The following POFUT2 variants were observed in gnomAD, a reference collection of about 807,000 sequenced individuals.
POFUT2 encodes GDP-fucose protein O-fucosyltransferase 2.
POFUT2 carries 30 observed loss-of-function variants against 55.0 expected under a neutral mutation model. The observed-to-expected ratio is 0.55, with a 90% CI of 0.41 to 0.74. The LOEUF is 0.74. Among genes scored for constraint, POFUT2 ranks in the 30% least tolerant of loss-of-function variants. The pLI is 0.00. For synonymous variants in POFUT2, 267 were observed against 231.1 expected, an observed-to-expected ratio of 1.16 and a Z score of -1.41; for missense variants, 524 against 562.6, an observed-to-expected ratio of 0.93 and a Z score of 0.69.
chr21:45,287,452 T>G (rs7279129), intron 1 of POFUT2, among the ~76,000 whole-genome samples: 35,204 of 35,226 alleles, frequency 1, 17,592 homozygotes, highest in Middle Eastern at 1. Context: ...CCTGCCCCTA[T>G]ACCATCACCC....
chr21:45,286,009 G>T, intron 1 of POFUT2, 81 bp from the exon 2 acceptor site: 1 of 1,313,004 alleles, frequency 7.6e-7, no homozygotes, highest in Non-Finnish European at 1.1e-6. Flanking sequence ...AAGTCTCAGC[G>T]CGTGGCCCGA....
At chr21:45,278,921 T>A (rs1401386000) in intron 4 of POFUT2, among the ~76,000 whole-genome samples, 1 of 152,136 alleles carries the variant, frequency 6.6e-6, no homozygotes, top group Non-Finnish European at 1.5e-5. Flanking sequence ...TAATTCCACG[T>A]GGGAAGTGCC....
Position 45,282,975 on chromosome 21 carries a change from A to G in POFUT2, c.527+408T>C, listed in dbSNP as rs908815183. The G allele has an allele frequency of 4.7e-5, 22 of 469,276 alleles. 1 individual carries two copies. The highest frequency in any genetic ancestry group is 1.6e-5 in the South Asian group (1 of 64,374). The allele number at this position is 469,276 out of a possible 1,614,324, so 29.1% of individuals were successfully genotyped here. On this transcript the variant is annotated intron_variant, in intron 3 of 8. Transcript: ENST00000349485. This position sits in a 1 kb window ranked among gnomAD's most constrained non-coding sequence, Gnocchi z 4.6. ...TCCAAATGCATGAAAAGACACAGGG[A>G]AAGAGGCACGGGGTCTCAGCCAGAT...
chr21:45,275,353 CAG>C (rs149316623), intron 6 of POFUT2, among the ~76,000 whole-genome samples: 3,643 of 152,264 alleles, frequency 0.024, 139 homozygotes, highest in African/African-American at 0.083. Context: ...TTGTGGAAAA[CAG>C]TGTGGAGATT....
intron 2 of POFUT2, among the ~76,000 whole-genome samples, chr21:45,283,833 G>A (rs768674456): frequency 6.6e-6 from 1 of 152,080 alleles, no homozygotes; most frequent in Non-Finnish European, 1.5e-5. Flanking sequence ...CGGCCCTCAC[G>A]CCGTGGTCCA....
Position 45,267,135 on chromosome 21 carries a change from G to A in POFUT2, c.1136+455C>T. On this transcript the variant is annotated intron_variant, in intron 8 of 8. Coordinates refer to ENST00000349485, the MANE Select transcript of POFUT2 (RefSeq NM_133635.6). The surrounding 1 kb of genome is among the most constrained non-coding windows in gnomAD (Gnocchi z 4.4). ...CACGAGGGCCCATGCTCCCAGCCTTGGGGACGCTCATGGCAGCCCCACGAG... is the reference window on the plus strand; with the variant it reads ...CACGAGGGCCCATGCTCCCAGCCTTAGGGACGCTCATGGCAGCCCCACGAG... The A allele has an allele frequency of 1.6e-6, 2 of 1,230,570 alleles. No individual in the cohort carries two copies. Among genetic ancestry groups the A allele is most frequent in the Non-Finnish European group, 2.1e-6 (2 of 975,410 alleles). The allele number at this position is 1,230,570 out of a possible 1,614,324, so 76.2% of individuals were successfully genotyped here.
rs569219624 is a variant in POFUT2, at chr21:45,266,521, C to T, written c.1137-886G>A. The T allele has an allele frequency of 6.5e-6, 7 of 1,082,338 alleles. No homozygotes were observed. In the African/African-American group the frequency reaches 1.2e-4, roughly 18 times the overall value. The allele number at this position is 1,082,338 out of a possible 1,614,324, so 67.0% of individuals were successfully genotyped here. On this transcript the variant is annotated intron_variant, in intron 8 of 8. Coordinates refer to ENST00000349485, the MANE Select transcript of POFUT2 (RefSeq NM_133635.6). ...CAGCAGGCTTCCTGGGCTGCGGAGACAGCACCGCCAAGGTCGCAGTCAAAA... is the reference window on the plus strand; with the variant it reads ...CAGCAGGCTTCCTGGGCTGCGGAGATAGCACCGCCAAGGTCGCAGTCAAAA...
At chr21:45,266,335 G>A in intron 8 of POFUT2, 1 of 1,351,106 alleles carries the variant, frequency 7.4e-7, no homozygotes, top group Admixed American at 1.9e-5. Flanking sequence ...GTATGCTGCT[G>A]CGGGGTGCAG....
rs560306914 is a variant in POFUT2 at position 45,278,132 on chromosome 21, C to G, written c.676G>C (p.Asp226His). The stretch of plus-strand genomic sequence containing the variant: ...CAGTATTCTTTCCCTCCATAGTGGT[C>G]GTGAAGTAGGTTCTCGGCTCTGTCT... ...MLDRAENLLH[D>H]HYGGKEYWDT... The change falls in exon 5 of 9, where the codon GAC (aspartate) becomes CAC (histidine). Residue 226 changes from aspartate to histidine, a missense_variant. Asp to His is a moderately conservative substitution (Grantham distance 81). Transcript: ENST00000349485. 1 of 1,613,788 alleles carries G rather than the reference C, an allele frequency of 6.2e-7. No individual in the cohort carries two copies. Among genetic ancestry groups the G allele is most frequent in the African/African-American group, 1.3e-5 (1 of 74,912 alleles).
Position 45,267,153 on chromosome 21 carries a change from C to T in POFUT2, c.1136+437G>A. The T allele has an allele frequency of 7.9e-7, 1 of 1,268,050 alleles. No homozygotes were observed. Among genetic ancestry groups the T allele is most frequent in the Non-Finnish European group, 1.0e-6 (1 of 997,930 alleles). The allele number at this position is 1,268,050 out of a possible 1,614,324, so 78.5% of individuals were successfully genotyped here. A position where few individuals can be genotyped will look rare whatever the true frequency, so the allele number is the denominator to read the frequency against. ...CAGCCTTGGGGACGCTCATGGCAGCCCCACGAGAATGATCACACGAGGGCC... is the reference window on the plus strand; with the variant it reads ...CAGCCTTGGGGACGCTCATGGCAGCTCCACGAGAATGATCACACGAGGGCC... On this transcript the variant is annotated intron_variant, in intron 8 of 8. Transcript: ENST00000349485. The surrounding 1 kb of genome is among the most constrained non-coding windows in gnomAD (Gnocchi z 4.4).
chr21:45,286,261 C>T (rs745689628), intron 1 of POFUT2, among the ~76,000 whole-genome samples: 4 of 152,158 alleles, frequency 2.6e-5, no homozygotes, highest in Admixed American at 6.5e-5. Flanking sequence ...CAATGACTGA[C>T]GGCTGGTTAT....
At position 45,270,163 on chromosome 21, in the gene POFUT2, T is replaced by G; in HGVS notation, c.832-144A>C. On this transcript the variant is annotated intron_variant, in intron 6 of 8. Coordinates refer to ENST00000349485, the MANE Select transcript of POFUT2 (RefSeq NM_133635.6). The surrounding 1 kb of genome is among the most constrained non-coding windows in gnomAD (Gnocchi z 4.6). Reference sequence around the variant, plus strand: ...GGTGGCTCCAGGGCTGTCTAAGGGATTCAGGTGGAATCTCGGGGGCGACCA... The same window carrying G: ...GGTGGCTCCAGGGCTGTCTAAGGGAGTCAGGTGGAATCTCGGGGGCGACCA... The G allele has an allele frequency of 2.2e-6, 1 of 455,136 alleles. No homozygotes were observed. The highest frequency in any genetic ancestry group is 3.7e-6 in the Non-Finnish European group (1 of 271,980). The allele number at this position is 455,136 out of a possible 1,614,324, so 28.2% of individuals were successfully genotyped here.
At chr21:45,274,473 A>G (rs916766831) in intron 6 of POFUT2, among the ~76,000 whole-genome samples, 5 of 152,330 alleles carry the variant, frequency 3.3e-5, no homozygotes, top group Non-Finnish European at 5.9e-5. Flanking sequence ...TAAAATTCAT[A>G]TGGAACCAAA....
At position 45,275,960 on chromosome 21, in the gene POFUT2, G is replaced by A. The variant is rs143756364; in HGVS notation, c.831+1057C>T. Among the ~76,000 whole-genome samples, 589 of 152,142 alleles carry A rather than the reference G, an allele frequency of 3.9e-3. 6 individuals are homozygous for A. Among genetic ancestry groups the A allele is most frequent in the African/African-American group, 0.013 (557 of 41,518 alleles). ...TCCCAGCACTCTGGGAGGCCAAGGC[G>A]GGTGGATTACTTGAGGTCAGGAGTT... On this transcript the variant is annotated intron_variant, in intron 6 of 8. Transcript: ENST00000349485.
intron 3 of POFUT2, 72 bp downstream of exon 3, chr21:45,283,311 G>A: frequency 1.1e-5 from 8 of 740,552 alleles, no homozygotes; most frequent in Admixed American, 3.1e-5. Context: ...CCTGAGGCGG[G>A]GGGGGGGGGA....
At chr21:45,286,009 G>GC in intron 1 of POFUT2, 81 bp from the exon 2 acceptor site, 1 of 1,313,006 alleles carries the variant, frequency 7.6e-7, no homozygotes. Flanking sequence ...AAGTCTCAGC[G>GC]CGTGGCCCGA....
rs372886985 is a variant in POFUT2, at chr21:45,265,450, C to T, written c.*32G>A. On this transcript the variant is annotated 3_prime_UTR_variant, in exon 9 of 9. Coordinates refer to ENST00000349485, the MANE Select transcript of POFUT2 (RefSeq NM_133635.6). The surrounding 1 kb of genome is among the most constrained non-coding windows in gnomAD (Gnocchi z 4.6). ...AGAACCTGCATCCACCCGCGCCTGT[C>T]GGGTCCGGGGAGCGGCCCTGGAGGA... is the stretch of plus-strand genomic sequence containing the variant. 1.6e-5 allele frequency: 26 copies of T among 1,577,728 alleles called. No homozygotes were observed. The highest frequency in any genetic ancestry group is 4.1e-5 in the African/African-American group (3 of 73,394).
Position 45,265,194 on chromosome 21 carries a change from G to A in POFUT2, c.*288C>T, listed in dbSNP as rs2093142272. 3.3e-6 allele frequency: 1 copy of A among 306,504 alleles called. No homozygotes were observed. Among genetic ancestry groups the A allele is most frequent in the Non-Finnish European group, 6.0e-6 (1 of 166,056 alleles). The allele number at this position is 306,504 out of a possible 1,614,324, so 19.0% of individuals were successfully genotyped here. On this transcript the variant is annotated 3_prime_UTR_variant, in exon 9 of 9. Coordinates refer to ENST00000349485, the MANE Select transcript of POFUT2 (RefSeq NM_133635.6). The surrounding 1 kb of genome is among the most constrained non-coding windows in gnomAD (Gnocchi z 4.6). ...GCCTGACAAACACTCCTGCTTCTGG[G>A]TCACCACGCGGGCACTGCTGGCAAC... is the stretch of plus-strand genomic sequence containing the variant.
Position 45,278,122 on chromosome 21 carries a change from C to T in POFUT2, c.686G>A (p.Gly229Glu). The change falls in exon 5 of 9, where the codon GGA becomes GAA. Residue 229 changes from glycine to glutamate, a missense_variant. Around this residue, in one of 2 missense-constraint regions of POFUT2, gnomAD observed 250 missense variants for 318.2 expected, o/e 0.79. Coordinates refer to ENST00000349485, the MANE Select transcript of POFUT2 (RefSeq NM_133635.6). ...ACTCACATCCCAGTATTCTTTCCCT[C>T]CATAGTGGTCGTGAAGTAGGTTCTC... ...RAENLLHDHYGGKEYWDTRRS... is the reference protein window; with the variant it reads ...RAENLLHDHYEGKEYWDTRRS... 1.2e-6 allele frequency: 2 copies of T among 1,613,784 alleles called. No homozygotes were observed. Among genetic ancestry groups the T allele is most frequent in the Admixed American group, 3.3e-5 (2 of 60,036 alleles).
Sources: gnomAD v4.1 joint callset for allele counts (sites outside exome capture counted in the v4.1 genomes callset) on GRCh38, gnomAD v4.1.1 for gene constraint, gnomAD v4.1.1 regional missense constraint, Gnocchi (gnomAD v3.1) non-coding constraint, MANE v1.5 for transcripts, NCBI Gene and HGNC (gene_info 2026-07-23, HGNC 2026-07-21) for gene names.